The following MKLN1 variants were observed in gnomAD, a reference collection of about 807,000 sequenced individuals.
MKLN1 encodes the protein muskelin 1.
A neutral mutation model predicts 99.0 loss-of-function variants in MKLN1; 18 were observed. The ratio of observed to expected loss-of-function variants is 0.18; its 90% CI spans 0.13 to 0.27. The LOEUF (loss-of-function observed/expected upper bound fraction) is 0.27, where lower values mean the gene tolerates loss of function less well. Ranked by LOEUF, MKLN1 falls within the 10% of genes least tolerant of loss-of-function variation. MKLN1 has a pLI of 1.00. For missense variants in MKLN1, 621 were observed against 875.9 expected (o/e 0.71, Z 3.67); for synonymous variants, 288 against 293.2 (o/e 0.98, Z 0.18).
chr7:131,400,518 A>AATATAT (rs56156009), intron 6 of MKLN1, among the ~76,000 whole-genome samples: 189 of 137,416 alleles, frequency 1.4e-3, no homozygotes, highest in African/African-American at 4.4e-3. Context: ...ATAAAAAAAA[A>AATATAT]ATATATATAT....
At chr7:131,381,374 T>C (rs1793841481) in intron 2 of MKLN1, among the ~76,000 whole-genome samples, 1 of 152,188 alleles carries the variant, frequency 6.6e-6, no homozygotes, top group South Asian at 2.1e-4. Context: ...TGATATTATA[T>C]CTTTAAAGCA....
In MKLN1 at chr7:131,368,883, TAAC is replaced by T. The variant is rs1203489765; in HGVS notation, c.99-6538_99-6536del. Reference sequence around the variant, plus strand: ...TTTTATGTATGAATAATATGACAAATAACAAGAAAATAAGTAAAATCTCTTAAT... The same window carrying T: ...TTTTATGTATGAATAATATGACAAATAAGAAAATAAGTAAAATCTCTTAAT... On this transcript the variant is annotated intron_variant, in intron 1 of 17. Transcript: ENST00000352689. 1.3e-4 allele frequency among the ~76,000 whole-genome samples: 20 copies of T among 152,178 alleles called. 1 individual carries two copies. Among genetic ancestry groups the T allele is most frequent in the South Asian group, 8.3e-4 (4 of 4,830 alleles).
intron 3 of MKLN1, among the ~76,000 whole-genome samples, chr7:131,319,359 T>C (rs1296331517): frequency 1.3e-5 from 2 of 152,188 alleles, no homozygotes; most frequent in African/African-American, 4.8e-5. Flanking sequence ...ATTATCTCAA[T>C]AGATACAGAA....
chr7:131,309,055 T>C (rs371745949), intron 3 of MKLN1, among the ~76,000 whole-genome samples: 2 of 152,190 alleles, frequency 1.3e-5, no homozygotes, highest in African/African-American at 4.8e-5. Context: ...TTCTATAAGG[T>C]TCAATATGTC....
chr7:131,169,893 G>A (rs1796191674), intron 2 of MKLN1, among the ~76,000 whole-genome samples: 1 of 152,164 alleles, frequency 6.6e-6, no homozygotes, highest in Admixed American at 6.5e-5. Context: ...CAGCTCAACG[G>A]TGTTCTTGTA....
intron 4 of MKLN1, among the ~76,000 whole-genome samples, chr7:131,395,383 A>G (rs904701275): frequency 1.3e-5 from 2 of 152,024 alleles, no homozygotes; most frequent in Non-Finnish European, 1.5e-5. Flanking sequence ...CACACAGGAT[A>G]CTAGACAGAT....
chr7:131,433,587 T>G (rs1795588909), intron 9 of MKLN1, among the ~76,000 whole-genome samples: 1 of 152,226 alleles, frequency 6.6e-6, no homozygotes, highest in Admixed American at 6.5e-5. Flanking sequence ...ATGAGATTTC[T>G]GGTTACTCCC....
chr7:131,133,827 T>TG (rs1454353477), intron 1 of MKLN1, among the ~76,000 whole-genome samples: 4 of 133,298 alleles, frequency 3.0e-5, no homozygotes, highest in Admixed American at 2.2e-4. Context: ...TTGGTTTTTT[T>TG]TTTTTTTTTT....
intron 2 of MKLN1, among the ~76,000 whole-genome samples, chr7:131,177,710 T>A (rs1197332383): frequency 6.6e-6 from 1 of 152,228 alleles, no homozygotes; most frequent in Non-Finnish European, 1.5e-5. Context: ...GTCTTTTGAT[T>A]TTTATTTTGC....
chr7:131,285,814 A>G (rs1798122255), intron 3 of MKLN1, among the ~76,000 whole-genome samples: 1 of 152,010 alleles, frequency 6.6e-6, no homozygotes, highest in African/African-American at 2.4e-5. Context: ...TTTTTGGTGA[A>G]ACTCCCATCA....
At chr7:131,210,060 T>C (rs1796878215) in intron 3 of MKLN1, among the ~76,000 whole-genome samples, 1 of 152,206 alleles carries the variant, frequency 6.6e-6, no homozygotes, top group South Asian at 2.1e-4. Context: ...TGTTTAAATC[T>C]TGTTGTTTGA....
chr7:131,403,942 A>T (rs1794626502), intron 6 of MKLN1, among the ~76,000 whole-genome samples: 1 of 152,186 alleles, frequency 6.6e-6, no homozygotes, highest in Admixed American at 6.5e-5. Flanking sequence ...TTTGTAAAAA[A>T]CACAGTATCT....
At chr7:131,211,872 C>T (rs1229527962) in intron 3 of MKLN1, among the ~76,000 whole-genome samples, 1 of 152,084 alleles carries the variant, frequency 6.6e-6, no homozygotes, top group East Asian at 1.9e-4. Context: ...AGAAAGACTC[C>T]AAGTCTTTGG....
intron 6 of MKLN1, among the ~76,000 whole-genome samples, chr7:131,400,198 CATTTTA>C (rs1354731589): frequency 1.3e-5 from 2 of 151,752 alleles, no homozygotes; most frequent in Non-Finnish European, 2.9e-5. Flanking sequence ...GGTTTGCTCT[CATTTTA>C]ATTTTATCAC....
At chr7:131,371,489 A>C (rs1359359026) in intron 1 of MKLN1, among the ~76,000 whole-genome samples, 1 of 152,154 alleles carries the variant, frequency 6.6e-6, no homozygotes, top group Non-Finnish European at 1.5e-5. Flanking sequence ...TCTGAAGAGT[A>C]TATTTTATTC....
At chr7:131,396,122 G>A (rs1794352070) in intron 4 of MKLN1, among the ~76,000 whole-genome samples, 1 of 152,028 alleles carries the variant, frequency 6.6e-6, no homozygotes, top group Non-Finnish European at 1.5e-5. Context: ...GCCCAGGCTG[G>A]AGTACAGTGG....
upstream of MKLN1, chr7:131,327,044 C>G (rs1798906005): frequency 6.6e-6 from 1 of 152,242 alleles, no homozygotes; most frequent in South Asian, 2.1e-4. Context: ...TTGTAAGAAG[C>G]TGGTATGATG....
chr7:131,189,494 T>C (rs981533052), intron 2 of MKLN1, among the ~76,000 whole-genome samples: 1 of 151,332 alleles, frequency 6.6e-6, no homozygotes, highest in Non-Finnish European at 1.5e-5. Flanking sequence ...TCTTACGGTA[T>C]TTCAGAATCC....
At position 131,276,248 on chromosome 7, in the gene MKLN1, G is replaced by A. The variant is rs1225278856; in HGVS notation, c.-179+73274G>A. Among the ~76,000 whole-genome samples the A allele has an allele frequency of 2.0e-5, 3 of 152,318 alleles. No homozygotes were observed. The East Asian group carries it at 5.8e-4, about 29-fold the overall frequency. On this transcript the variant is annotated intron_variant, in intron 3 of 7. Transcript: ENST00000416992. Reference sequence around the variant, plus strand: ...GTGGGAAGGTAAAGGCAGCTTCCGAGCACAAAAGGTTGGGAGAAAAATGTT... The same window carrying A: ...GTGGGAAGGTAAAGGCAGCTTCCGAACACAAAAGGTTGGGAGAAAAATGTT...
Sources: gnomAD v4.1 joint callset for allele counts (sites outside exome capture counted in the v4.1 genomes callset) on GRCh38, gnomAD v4.1.1 for gene constraint, MANE v1.5 for transcripts, NCBI Gene and HGNC (gene_info 2026-07-23, HGNC 2026-07-21) for gene names.